REDIC1: variants seen among roughly 807,000 people sequenced by gnomAD.
The protein encoded by REDIC1 is HEI10 Interacting Protein 1.
At chr12:39,809,008 CTA>C in the REDIC1 span, among the ~76,000 whole-genome samples, 3 of 152,018 alleles carry the variant, frequency 2.0e-5, no homozygotes, top group African/African-American at 7.2e-5. Flanking sequence ...AGATTTCCTC[CTA>C]TGTTTCCTTA....
chr12:39,793,284 G>A, the REDIC1 span, among the ~76,000 whole-genome samples: 11 of 152,160 alleles, frequency 7.2e-5, no homozygotes, highest in African/African-American at 1.2e-4. Context: ...GACAAAAGAC[G>A]TGCAAAATTG....
chr12:39,857,741 T>C, the REDIC1 span, among the ~76,000 whole-genome samples: 7 of 152,232 alleles, frequency 4.6e-5, no homozygotes, highest in African/African-American at 1.7e-4. Context: ...GTCATTGGCC[T>C]GCTATCCAGT....
chr12:39,864,731 G>C, the REDIC1 span: 2 of 1,609,608 alleles, frequency 1.2e-6, no homozygotes, highest in African/African-American at 2.7e-5. Flanking sequence ...CCAGAGTCAT[G>C]TAAAGGAAGA....
chr12:39,826,864 T>TTTTTTTTTTTTTC, the REDIC1 span, among the ~76,000 whole-genome samples: 17 of 143,598 alleles, frequency 1.2e-4, 1 homozygote, highest in Non-Finnish European at 2.6e-4. Context: ...ATTTTTTTTT[T>TTTTTTTTTTTTTC]TTTTTTTTGC....
At chr12:39,873,933 T>G in the REDIC1 span, among the ~76,000 whole-genome samples, 1 of 152,204 alleles carries the variant, frequency 6.6e-6, no homozygotes. Flanking sequence ...GTACACTGAA[T>G]ATTTATTTAT....
the REDIC1 span, among the ~76,000 whole-genome samples, chr12:39,797,962 C>T: frequency 6.6e-6 from 1 of 152,128 alleles, no homozygotes; most frequent in African/African-American, 2.4e-5. Context: ...GTGTAGCTCC[C>T]ACAGAATAGG....
the REDIC1 span, among the ~76,000 whole-genome samples, chr12:39,902,424 T>G: frequency 6.6e-6 from 1 of 152,222 alleles, no homozygotes; most frequent in South Asian, 2.1e-4. Context: ...ACTTGAAATG[T>G]GTCTTCTCTC....
the REDIC1 span, among the ~76,000 whole-genome samples, chr12:39,712,831 A>C: frequency 2.1e-5 from 3 of 140,362 alleles, no homozygotes; most frequent in African/African-American, 7.8e-5. Flanking sequence ...GTGTATGTAT[A>C]TACATATACA....
chr12:39,820,494 T>C, the REDIC1 span, among the ~76,000 whole-genome samples: 1 of 152,042 alleles, frequency 6.6e-6, no homozygotes, highest in Admixed American at 6.5e-5. Context: ...AGTGGAAAAC[T>C]ATTTTGTTTA....
chr12:39,682,693 T>A, the REDIC1 span: 45 of 1,612,440 alleles, frequency 2.8e-5, no homozygotes, highest in Non-Finnish European at 3.6e-5. Context: ...AATAAGACAG[T>A]CAGACTACAT....
chr12:39,719,927 T>C, the REDIC1 span, among the ~76,000 whole-genome samples: 2 of 152,140 alleles, frequency 1.3e-5, no homozygotes, highest in Non-Finnish European at 2.9e-5. Context: ...TTTTGAAATA[T>C]ACATTTTTCA....
At chr12:39,819,202 G>T in the REDIC1 span, among the ~76,000 whole-genome samples, 2 of 151,974 alleles carry the variant, frequency 1.3e-5, no homozygotes, top group African/African-American at 4.8e-5. Context: ...TTTTCATCAA[G>T]AACAATAAGG....
At chr12:39,635,355 G>A in the REDIC1 span, among the ~76,000 whole-genome samples, 1 of 152,168 alleles carries the variant, frequency 6.6e-6, no homozygotes. Context: ...TATGTTTATT[G>A]TGGCACTATT....
At chr12:39,677,055 G>A in the REDIC1 span, among the ~76,000 whole-genome samples, 1 of 149,566 alleles carries the variant, frequency 6.7e-6, no homozygotes. Context: ...AAGATATCCA[G>A]GCAACAACTA....
the REDIC1 span, among the ~76,000 whole-genome samples, chr12:39,656,850 T>G: frequency 1.5e-3 from 226 of 152,256 alleles, 1 homozygote; most frequent in Middle Eastern, 6.8e-3. Context: ...GAAAAAAGCT[T>G]ATAGAATAAG....
chr12:39,793,091 A>G, the REDIC1 span, among the ~76,000 whole-genome samples: 1 of 152,208 alleles, frequency 6.6e-6, no homozygotes, highest in Non-Finnish European at 1.5e-5. Context: ...CACTACCATC[A>G]TATATGTAGA....
chr12:39,866,855 A>G, the REDIC1 span, among the ~76,000 whole-genome samples: 1 of 152,238 alleles, frequency 6.6e-6, no homozygotes, highest in Admixed American at 6.5e-5. Context: ...CAGCAGCCAC[A>G]GCAAGCCTTC....
At chr12:39,738,941 C>T in the REDIC1 span, among the ~76,000 whole-genome samples, 3 of 151,760 alleles carry the variant, frequency 2.0e-5, no homozygotes, top group Non-Finnish European at 4.4e-5. Context: ...AATGTCATTG[C>T]CATATACTAA....
At chr12:39,773,437 G>A in the REDIC1 span, among the ~76,000 whole-genome samples, 1 of 152,110 alleles carries the variant, frequency 6.6e-6, no homozygotes, top group Non-Finnish European at 1.5e-5. Flanking sequence ...GAAATTAACA[G>A]CTCCCTTTGA....
Sources: gnomAD v4.1 joint callset for allele counts (sites outside exome capture counted in the v4.1 genomes callset) on GRCh38, gnomAD v4.1.1 for gene constraint, MANE v1.5 for transcripts, NCBI Gene and HGNC (gene_info 2026-07-23, HGNC 2026-07-21) for gene names.